The following AFAP1L2 variants were observed in gnomAD, a reference collection of about 807,000 sequenced individuals.
AFAP1L2 encodes the protein actin filament-associated protein 1-like 2.
In AFAP1L2, 46 loss-of-function variants were observed where a neutral mutation model predicts 99.3. That is an observed-to-expected ratio of 0.46 (90% confidence interval 0.37 to 0.59). The LOEUF is 0.59. Ranked by LOEUF, AFAP1L2 falls within the 20% of genes least tolerant of loss-of-function variation. The pLI, the probability that AFAP1L2 is intolerant of heterozygous loss-of-function variation, is 0.00. For missense variants in AFAP1L2, 959 were observed against 1,034.9 expected (o/e 0.93, Z 1.01); for synonymous variants, 397 against 419.1 (o/e 0.95, Z 0.64).
In AFAP1L2 at chr10:114,315,694, GGGCCGACTT is replaced by G. The variant is rs1320960772; in HGVS notation, c.469_477del (p.Lys157_Ala159del). On this transcript the variant is annotated inframe_deletion, in exon 6 of 19. Transcript: ENST00000304129. ...GCCTCCGGCGAGGGCCACTGGTAAG[GGGCCGACTT>G]GCCCTTGCTGCCGTCCTCTTCATCG... 1.9e-6 allele frequency: 3 copies of G among 1,613,782 alleles called. No homozygotes were observed. The highest frequency in any genetic ancestry group is 2.5e-6 in the Non-Finnish European group (3 of 1,179,990).
At chr10:114,353,226 T>C (rs921811373) in intron 1 of AFAP1L2, among the ~76,000 whole-genome samples, 58 of 152,272 alleles carry the variant, frequency 3.8e-4, no homozygotes, top group African/African-American at 1.4e-3. Context: ...CCTGAAACTT[T>C]TGTGGCCATC....
Position 114,297,064 on chromosome 10 carries a change from T to A in AFAP1L2, c.2344A>T (p.Thr782Ser). 3 of 1,613,690 alleles carry A rather than the reference T, an allele frequency of 1.9e-6. No individual in the cohort carries two copies. Among genetic ancestry groups the A allele is most frequent in the Non-Finnish European group, 2.5e-6 (3 of 1,179,878 alleles). Residue 782 changes from threonine to serine, a missense_variant, in exon 18 of 19, where the codon ACC (threonine) becomes TCC (serine). Physicochemically the swap from Thr to Ser is moderately conservative, Grantham distance 58. Around this residue, in one of 2 missense-constraint regions of AFAP1L2, gnomAD observed 576 missense variants for 562.1 expected, o/e 1.02. Coordinates refer to ENST00000304129, the MANE Select transcript of AFAP1L2 (RefSeq NM_001001936.3). The stretch of plus-strand genomic sequence containing the variant: ...AGTGTGGTTGCAGAGTTGACTGGGG[T>A]ACAGTCTGGGGCAGAGGCAGGTGTG... ...AVTPASAPDC[T>S]PVNSATTLKN... is the part of the protein sequence containing the mutation.
chr10:114,345,971 C>T (rs994668460), intron 1 of AFAP1L2, among the ~76,000 whole-genome samples: 7 of 152,192 alleles, frequency 4.6e-5, no homozygotes, highest in African/African-American at 1.2e-4. Context: ...CATCAGACAC[C>T]GTGGTGAACC....
chr10:114,378,606 G>A (rs1300974601), intron 1 of AFAP1L2, among the ~76,000 whole-genome samples: 4 of 152,170 alleles, frequency 2.6e-5, no homozygotes, highest in South Asian at 2.1e-4. Flanking sequence ...GTGGTATCTC[G>A]CTTCTTCCAG....
At chr10:114,290,111 T>G, downstream of AFAP1L2, 420 of 1,281,232 alleles carry the variant, frequency 3.3e-4, no homozygotes, top group Middle Eastern at 4.3e-4. Flanking sequence ...GCACCAACCA[T>G]GAGCTACCGG....
At position 114,388,722 on chromosome 10, in the gene AFAP1L2, T is replaced by C. The variant is rs916191410; in HGVS notation, c.16+15718A>G. On this transcript the variant is annotated intron_variant, in intron 1 of 18. Transcript: ENST00000304129. ...CATTTAAAGGGGCTAATTAAGGACA[T>C]CAGCACGTTCATTACAAAATCACAC... Among the ~76,000 whole-genome samples, 4 of 152,188 alleles carry C rather than the reference T, an allele frequency of 2.6e-5. No homozygotes were observed. The East Asian group carries it at 7.7e-4, about 29-fold the overall frequency.
intron 6 of AFAP1L2, 55 bp from the exon 7 acceptor site, chr10:114,314,105 A>G (rs759170667): frequency 6.4e-7 from 1 of 1,554,260 alleles, no homozygotes; most frequent in African/African-American, 1.4e-5. Context: ...GGCGGAGGTG[A>G]TGTCTGCAAA....
At chr10:114,336,279 C>T (rs1323028107) in intron 2 of AFAP1L2, among the ~76,000 whole-genome samples, 1 of 152,374 alleles carries the variant, frequency 6.6e-6, no homozygotes, top group Non-Finnish European at 1.5e-5. Flanking sequence ...TGGGAGGCCA[C>T]GGACAGGCAG....
rs1248266216 is a variant in AFAP1L2 at position 114,304,735 on chromosome 10, T to A, written c.1268A>T (p.Glu423Val). 1.9e-6 allele frequency: 3 copies of A among 1,608,166 alleles called. No individual in the cohort carries two copies. The South Asian group carries it at 3.3e-5, about 18-fold the overall frequency. ...YSFRILHKGE[E>V]LAKLEAKSSE... ...CGGCGGTACCTCAAGCTTGGCCAGC[T>A]CCTCGCCCTTGTGGAGGATGCGGAA... Residue 423 changes from glutamate to valine, a missense_variant, in exon 11 of 19, where the codon GAG becomes GTG. Physicochemically the swap from Glu to Val is moderately radical, Grantham distance 121. Transcript: ENST00000304129.
downstream of AFAP1L2, among the ~76,000 whole-genome samples, chr10:114,292,700 A>G (rs1408508710): frequency 6.6e-6 from 1 of 151,436 alleles, no homozygotes; most frequent in Non-Finnish European, 1.5e-5. Flanking sequence ...GACTCCAGAC[A>G]CTTTATCGTT....
chr10:114,297,148 G>GT, intron 17 of AFAP1L2, 48 bp from the exon 18 acceptor site: 1 of 1,610,758 alleles, frequency 6.2e-7, no homozygotes, highest in South Asian at 1.1e-5. Flanking sequence ...GGAGGGAGAT[G>GT]TGACCCACCC....
rs983345172 is a variant in AFAP1L2, at chr10:114,295,763, T to G, written c.*279A>C. On this transcript the variant is annotated 3_prime_UTR_variant, in exon 19 of 19. Coordinates refer to ENST00000304129, the MANE Select transcript of AFAP1L2 (RefSeq NM_001001936.3). Reference sequence around the variant, plus strand: ...TCTTAGTAAAGCAATTGATGACAACTTCAAAAAAGAAAGAAACACAGAACA... The same window carrying G: ...TCTTAGTAAAGCAATTGATGACAACGTCAAAAAAGAAAGAAACACAGAACA... The G allele has an allele frequency of 2.5e-5, 29 of 1,171,810 alleles. 1 individual carries two copies. In the Admixed American group the frequency reaches 1.1e-3, roughly 46 times the overall value. 72.6% of individuals were successfully genotyped at this position (1,171,810 alleles called of 1,614,324 possible).
In AFAP1L2 at chr10:114,296,062, C is replaced by A; in HGVS notation, c.2437G>T (p.Glu813Ter). The change falls in exon 19 of 19, where the codon GAG (glutamate) becomes TAG (stop). Residue 813 changes from glutamate to a stop codon, truncating the protein, a stop_gained. Coordinates refer to ENST00000304129, the MANE Select transcript of AFAP1L2 (RefSeq NM_001001936.3). LOFTEE classifies it high-confidence loss of function. ...GTVLQKAKEW[E>*]KKGAS ...GTTTTCTAACTTGCTCCTTTCTTCT[C>A]CCATTCCTAGGGTACCATTCAAATA... 6.2e-7 allele frequency: 1 copy of A among 1,614,164 alleles called. No individual in the cohort carries two copies. Among genetic ancestry groups the A allele is most frequent in the Non-Finnish European group, 8.5e-7 (1 of 1,180,008 alleles).
intron 1 of AFAP1L2, among the ~76,000 whole-genome samples, chr10:114,342,749 A>G (rs1241296014): frequency 6.6e-6 from 1 of 152,158 alleles, no homozygotes; most frequent in Admixed American, 6.5e-5. Context: ...TCAGATTCTG[A>G]TCTCCAGAAC....
chr10:114,285,912 C>T, the AFAP1L2 span: 1 of 1,555,714 alleles, frequency 6.4e-7, no homozygotes, highest in Non-Finnish European at 8.7e-7. Flanking sequence ...CATGGCTTGA[C>T]AGTGGGTGTT....
At chr10:114,296,851 G>T in intron 18 of AFAP1L2, 127 bp downstream of exon 18, 1 of 1,503,414 alleles carries the variant, frequency 6.7e-7, no homozygotes, top group Non-Finnish European at 9.1e-7. Context: ...GCCACTCCTT[G>T]GTGAGTGCCG....
chr10:114,400,700 T>A (rs1171768111), intron 1 of AFAP1L2, among the ~76,000 whole-genome samples: 1 of 152,238 alleles, frequency 6.6e-6, no homozygotes, highest in African/African-American at 2.4e-5. Flanking sequence ...TGACATTTCA[T>A]GTTTTTTGGA....
intron 5 of AFAP1L2, chr10:114,319,620 A>G (rs894931467): frequency 8.5e-6 from 11 of 1,289,644 alleles, no homozygotes; most frequent in Non-Finnish European, 1.1e-5. Context: ...TGGGGACTCC[A>G]GTGGGGAGAA....
At chr10:114,363,028 C>T in intron 1 of AFAP1L2, 2 of 985,402 alleles carry the variant, frequency 2.0e-6, no homozygotes, top group Non-Finnish European at 2.4e-6. Flanking sequence ...TGGAGCCCAC[C>T]AGAGAGGACT....
Sources: gnomAD v4.1 joint callset for allele counts (sites outside exome capture counted in the v4.1 genomes callset) on GRCh38, gnomAD v4.1.1 for gene constraint, gnomAD v4.1.1 regional missense constraint, MANE v1.5 for transcripts, NCBI Gene and HGNC (gene_info 2026-07-23, HGNC 2026-07-21) for gene names.